Variants in GCNT1 observed in about 807,000 individuals in gnomAD.
GCNT1 encodes the protein glucosaminyl (N-acetyl) transferase 1.
GCNT1 carries 16 observed loss-of-function variants against 26.2 expected under a neutral mutation model. The ratio of observed to expected loss-of-function variants is 0.61; its 90% CI spans 0.41 to 0.93. The LOEUF (loss-of-function observed/expected upper bound fraction) is 0.93, where lower values mean the gene tolerates loss of function less well. GCNT1 is among the 40% of genes least tolerant of loss of function. The pLI, the probability that GCNT1 is intolerant of heterozygous loss-of-function variation, is 0.00. For missense variants in GCNT1, 477 were observed against 526.7 expected (o/e 0.91, Z 0.92); for synonymous variants, 183 against 190.8 (o/e 0.96, Z 0.34).
At chr9:76,402,685 T>TTTC in the GCNT1 span, among the ~76,000 whole-genome samples, 1 of 150,222 alleles carries the variant, frequency 6.7e-6, no homozygotes, top group Non-Finnish European at 1.5e-5. Context: ...TTTGGCTGAT[T>TTTC]TTTTTTTTTT....
rs759806412 is a variant in GCNT1 at position 76,503,568 on chromosome 9, A to G, written c.1187A>G (p.His396Arg). Residue 396 changes from histidine to arginine, a missense_variant, in exon 4 of 4, where the codon CAC becomes CGC. Coordinates refer to ENST00000376730, the MANE Select transcript of GCNT1 (RefSeq NM_001490.5). ...GDLNWMLRKH[H>R]LFANKFDVDV... ...TTGAACTGGATGCTGCGCAAACACCACTTGTTTGCCAATAAGTTTGACGTG... is the reference window on the plus strand; with the variant it reads ...TTGAACTGGATGCTGCGCAAACACCGCTTGTTTGCCAATAAGTTTGACGTG... 4.6e-5 allele frequency: 74 copies of G among 1,613,684 alleles called. No homozygotes were observed. Among genetic ancestry groups the G allele is most frequent in the Non-Finnish European group, 6.2e-5 (73 of 1,179,760 alleles).
intron 2 of GCNT1, among the ~76,000 whole-genome samples, chr9:76,476,298 G>A (rs188758483): frequency 5.0e-4 from 76 of 152,004 alleles, no homozygotes; most frequent in Non-Finnish European, 8.8e-5. Flanking sequence ...GTGACCTCAG[G>A]GCCAAAAACC....
chr9:76,475,662 G>A (rs1824238426), intron 2 of GCNT1, among the ~76,000 whole-genome samples: 1 of 152,336 alleles, frequency 6.6e-6, no homozygotes, highest in East Asian at 1.9e-4. Flanking sequence ...CACGGAGACA[G>A]AGTGATGTGG....
chr9:76,411,754 T>C, the GCNT1 span, among the ~76,000 whole-genome samples: 1 of 140,628 alleles, frequency 7.1e-6, no homozygotes, highest in Non-Finnish European at 1.5e-5. Flanking sequence ...CAGGCTGGAG[T>C]GCAGTGGCAT....
At chr9:76,414,797 C>T in the GCNT1 span, among the ~76,000 whole-genome samples, 186 of 152,230 alleles carry the variant, frequency 1.2e-3, no homozygotes, top group African/African-American at 4.3e-3. Flanking sequence ...ATCTTGGTTT[C>T]GGTGAGTTTT....
At chr9:76,493,297 T>C (rs1361894459) in intron 2 of GCNT1, among the ~76,000 whole-genome samples, 1 of 152,214 alleles carries the variant, frequency 6.6e-6, no homozygotes, top group Non-Finnish European at 1.5e-5. Flanking sequence ...GCTGTCATTC[T>C]ATCATTTACT....
At chr9:76,437,560 CT>C (rs1448953586), upstream of GCNT1, among the ~76,000 whole-genome samples, 1 of 152,194 alleles carries the variant, frequency 6.6e-6, no homozygotes. Context: ...ACCAGCAACC[CT>C]TGGGGATGCT....
chr9:76,410,920 C>A, the GCNT1 span, among the ~76,000 whole-genome samples: 2 of 152,148 alleles, frequency 1.3e-5, no homozygotes, highest in Non-Finnish European at 2.9e-5. Flanking sequence ...GAAAATTGAG[C>A]CCTTTATCCA....
chr9:76,471,318 G>T (rs531746086), intron 2 of GCNT1, among the ~76,000 whole-genome samples: 5 of 152,222 alleles, frequency 3.3e-5, no homozygotes, highest in African/African-American at 1.2e-4. Context: ...GAGCCACTGT[G>T]CCCTGCCACA....
chr9:76,418,453 T>C (rs897160126), upstream of GCNT1, among the ~76,000 whole-genome samples: 1 of 152,302 alleles, frequency 6.6e-6, no homozygotes, highest in Non-Finnish European at 1.5e-5. Flanking sequence ...CACCAGGTTT[T>C]CAGGTTAATG....
At chr9:76,417,646 G>A (rs7849779), upstream of GCNT1, among the ~76,000 whole-genome samples, 3 of 152,170 alleles carry the variant, frequency 2.0e-5, no homozygotes, top group Admixed American at 2.0e-4. Flanking sequence ...TTTGGTGGGT[G>A]GGGGAGCCAA....
the GCNT1 span, among the ~76,000 whole-genome samples, chr9:76,396,990 AAAAT>A: frequency 1.3e-5 from 2 of 151,950 alleles, no homozygotes; most frequent in Admixed American, 6.6e-5. Flanking sequence ...GGTCACTAAA[AAAAT>A]AAATAGGCCG....
chr9:76,450,084 T>C (rs1349896935), intron 1 of GCNT1, among the ~76,000 whole-genome samples: 2 of 152,316 alleles, frequency 1.3e-5, no homozygotes, highest in Non-Finnish European at 2.9e-5. Context: ...TATTCGCCTC[T>C]TTTTATAAAT....
intron 2 of GCNT1, among the ~76,000 whole-genome samples, chr9:76,494,205 C>T (rs186026427): frequency 1.3e-5 from 2 of 152,272 alleles, no homozygotes; most frequent in Admixed American, 6.5e-5. Flanking sequence ...GATTTAGTGG[C>T]CCTTGCTGAC....
chr9:76,486,049 T>C (rs956722796), intron 2 of GCNT1, among the ~76,000 whole-genome samples: 1 of 152,234 alleles, frequency 6.6e-6, no homozygotes, highest in Non-Finnish European at 1.5e-5. Context: ...GTCTTTTTCT[T>C]AATGGGCAGT....
At position 76,502,877 on chromosome 9, in the gene GCNT1, G is replaced by C. The variant is rs1320937080; in HGVS notation, c.496G>C (p.Val166Leu). 6.2e-7 allele frequency: 1 copy of C among 1,614,056 alleles called. No individual in the cohort carries two copies. Among genetic ancestry groups the C allele is most frequent in the Non-Finnish European group, 8.5e-7 (1 of 1,180,012 alleles). ...ATCCGAGGATTCCTATTTAGCTGCAGTGATGGGCATCGCTTCCTGTTTTAG... is the reference window on the plus strand; with the variant it reads ...ATCCGAGGATTCCTATTTAGCTGCACTGATGGGCATCGCTTCCTGTTTTAG... ...TKSEDSYLAA[V>L]MGIASCFSNV... Residue 166 changes from valine (V) to leucine (L), a missense_variant, in exon 4 of 4, where the codon GTG (valine) becomes CTG (leucine). Transcript: ENST00000376730.
upstream of GCNT1, among the ~76,000 whole-genome samples, chr9:76,416,298 A>T (rs796426111): frequency 6.6e-6 from 1 of 152,178 alleles, no homozygotes; most frequent in African/African-American, 2.4e-5. Flanking sequence ...CATCCCACTA[A>T]GAGCCACCTC....
At position 76,503,112 on chromosome 9, in the gene GCNT1, C is replaced by T. The variant is rs928724563; in HGVS notation, c.731C>T (p.Thr244Met). 7 of 1,614,050 alleles carry T rather than the reference C, an allele frequency of 4.3e-6. No individual in the cohort carries two copies. Among genetic ancestry groups the T allele is most frequent in the Non-Finnish European group, 5.1e-6 (6 of 1,180,008 alleles). The change falls in exon 4 of 4, where the codon ACG (threonine) becomes ATG (methionine). Residue 244 changes from threonine to methionine, a missense_variant. Thr to Met is a moderately conservative substitution (Grantham distance 81, BLOSUM62 -1). Transcript: ENST00000376730. ...KLLMGENNLE[T>M]ERMPSHKEER... ...TTAATGGGAGAAAACAACCTGGAAA[C>T]GGAGAGGATGCCATCCCATAAAGAA... is the stretch of plus-strand genomic sequence containing the variant.
At chr9:76,436,815 C>T (rs1030266876), upstream of GCNT1, among the ~76,000 whole-genome samples, 4 of 152,016 alleles carry the variant, frequency 2.6e-5, no homozygotes, top group African/African-American at 9.7e-5. Context: ...ATGGATAGCA[C>T]CAGGCTTAGT....
Sources: allele counts gnomAD v4.1 joint callset (sites outside exome capture counted in the v4.1 genomes callset), GRCh38; gene constraint gnomAD v4.1.1; transcripts MANE v1.5; gene names NCBI Gene and HGNC (gene_info 2026-07-23, HGNC 2026-07-21).